Variants in TTLL9 observed in about 807,000 individuals in gnomAD.
The protein encoded by TTLL9 is tubulin tyrosine ligase like 9.
TTLL9 carries 47 observed loss-of-function variants against 65.6 expected under a neutral mutation model. That is an observed-to-expected ratio of 0.72 (90% CI 0.57 to 0.91). The LOEUF (loss-of-function observed/expected upper bound fraction) is 0.91, where lower values mean the gene tolerates loss of function less well. Ranked by LOEUF, TTLL9 falls within the 40% of genes least tolerant of loss-of-function variation. The probability of loss-of-function intolerance (pLI) is 0.00; values close to 1 mark genes in which losing one functional copy is unlikely to be tolerated. For synonymous variants in TTLL9, 179 were observed against 204.8 expected, an observed-to-expected ratio of 0.87 and a Z score of 1.07; for missense variants, 537 against 568.8, an observed-to-expected ratio of 0.94 and a Z score of 0.57.
intron 3 of TTLL9, among the ~76,000 whole-genome samples, chr20:31,896,687 G>A (rs2063393588): frequency 6.6e-6 from 1 of 151,762 alleles, no homozygotes. Context: ...CCACCACCAC[G>A]CCTGACTAAT....
At position 31,937,646 on chromosome 20, in the gene TTLL9, T is replaced by A. The variant is rs1050429793; in HGVS notation, c.1118+137T>A. The A allele has an allele frequency of 5.3e-5, 34 of 641,164 alleles. 1 individual carries two copies. Among genetic ancestry groups the A allele is most frequent in the African/African-American group, 3.3e-4 (18 of 54,168 alleles). The allele number at this position is 641,164 out of a possible 1,614,324, so 39.7% of individuals were successfully genotyped here. A position where few individuals can be genotyped will look rare whatever the true frequency, so the allele number is the denominator to read the frequency against. On this transcript the variant is annotated intron_variant, in intron 13 of 14. Transcript: ENST00000535842. ...CTGGCCTGCCCCACCACTTTATAGA[T>A]GGAGAAGCTGAGATGTCCACAGAGG... is the stretch of plus-strand genomic sequence containing the variant.
At chr20:31,931,069 C>T (rs969445301) in intron 10 of TTLL9, among the ~76,000 whole-genome samples, 2 of 144,382 alleles carry the variant, frequency 1.4e-5, no homozygotes, top group African/African-American at 5.2e-5. Context: ...GCCCCAGCAT[C>T]CTCTTTTCCT....
chr20:31,924,019 C>T (rs1442742352), intron 8 of TTLL9, among the ~76,000 whole-genome samples: 1 of 152,186 alleles, frequency 6.6e-6, no homozygotes, highest in East Asian at 1.9e-4. Flanking sequence ...CCCATCCCCC[C>T]ACCATGCCTC....
chr20:31,903,404 ACTTT>A (rs2063505592), intron 4 of TTLL9, among the ~76,000 whole-genome samples: 1 of 152,164 alleles, frequency 6.6e-6, no homozygotes, highest in African/African-American at 2.4e-5. Context: ...CAAATACTTT[ACTTT>A]CTTCCATTTT....
intron 10 of TTLL9, among the ~76,000 whole-genome samples, chr20:31,926,380 G>C (rs941363904): frequency 1.3e-5 from 2 of 152,198 alleles, no homozygotes; most frequent in Non-Finnish European, 2.9e-5. Context: ...GATTGGCAGA[G>C]ACCAAAAATT....
intron 11 of TTLL9, 61 bp from the exon 12 acceptor site, chr20:31,934,631 C>G: frequency 1.4e-6 from 2 of 1,461,674 alleles, no homozygotes; most frequent in South Asian, 2.6e-5. Context: ...TGTAAGGGTC[C>G]TAGCAGGCCA....
Position 31,937,507 on chromosome 20 carries a change from G to T in TTLL9, c.1116G>T (p.Ala372=). The change falls in exon 13 of 15, where the codon GCG becomes GCT. Residue 372 remains alanine, a splice_region_variant and synonymous_variant. Transcript: ENST00000535842. ...EDTLHVVDME[A]RLTGREKRVG... is the part of the protein sequence containing the mutation. Reference sequence around the variant, plus strand: ...CCCTGCATGTTGTGGACATGGAAGCGAGGTGAGGGAGGGCAGCCTTGATCA... The same window carrying T: ...CCCTGCATGTTGTGGACATGGAAGCTAGGTGAGGGAGGGCAGCCTTGATCA... 6.2e-7 allele frequency: 1 copy of T among 1,611,456 alleles called. No homozygotes were observed. The highest frequency in any genetic ancestry group is 1.3e-5 in the African/African-American group (1 of 74,990).
Position 31,944,740 on chromosome 20 carries a change from G to A in TTLL9, c.*1719G>A, listed in dbSNP as rs1167985892. 6.6e-6 allele frequency: 1 copy of A among 152,192 alleles called. No homozygotes were observed. The highest frequency in any genetic ancestry group is 1.5e-5 in the Non-Finnish European group (1 of 68,040). 9.4% of individuals were successfully genotyped at this position (152,192 alleles called of 1,614,324 possible). ...CTTCTCTTGAAAACACGTAAGAACT[G>A]GCCATGACAGCCTGTGTTTCTATGT... On this transcript the variant is annotated 3_prime_UTR_variant, in exon 15 of 15. Transcript: ENST00000535842.
At chr20:31,901,518 A>G (rs1163096124) in intron 4 of TTLL9, 4 of 152,134 alleles carry the variant, frequency 2.6e-5, no homozygotes, top group Admixed American at 1.3e-4. Flanking sequence ...AAATGAATGA[A>G]CTTTTGGTAT....
chr20:31,871,346 G>A, intron 2 of TTLL9, 151 bp downstream of exon 2: 1 of 769,312 alleles, frequency 1.3e-6, no homozygotes. Flanking sequence ...ATGACCCTGG[G>A]AAAGTCCCCG....
rs201229092 is a variant in TTLL9 at position 31,898,534 on chromosome 20, C to T, written c.175C>T (p.Arg59Cys). ...CATGAACACACTCATGGACGTCCTTCGCCACAGGCCAGGATGGGTGGAAGT... is the reference window on the plus strand; with the variant it reads ...CATGAACACACTCATGGACGTCCTTTGCCACAGGCCAGGATGGGTGGAAGT... ...TLMNTLMDVL[R>C]HRPGWVEVKD... Residue 59 changes from arginine (R) to cysteine (C), a missense_variant, in exon 4 of 15, where the codon CGC (arginine) becomes TGC (cysteine). Arg to Cys is a radical substitution (Grantham distance 180). This residue lies in a region of TTLL9 where 320 missense variants were observed against 311.0 expected (regional missense o/e 1.03). Coordinates refer to ENST00000535842, the MANE Select transcript of TTLL9 (RefSeq NM_001008409.5). The T allele has an allele frequency of 1.6e-5, 26 of 1,614,218 alleles. No individual in the cohort carries two copies. Among genetic ancestry groups the T allele is most frequent in the African/African-American group, 1.2e-4 (9 of 75,060 alleles).
chr20:31,942,224 A>T (rs2123660740), intron 14 of TTLL9, among the ~76,000 whole-genome samples: 1 of 152,306 alleles, frequency 6.6e-6, no homozygotes, highest in East Asian at 1.9e-4. Context: ...TTTGAGTGCC[A>T]GCAATGTGCC....
chr20:31,888,706 T>C (rs999507492), intron 3 of TTLL9, among the ~76,000 whole-genome samples: 3 of 152,162 alleles, frequency 2.0e-5, no homozygotes, highest in African/African-American at 7.2e-5. Context: ...TGTACAAGCA[T>C]GGCACCAGCA....
intron 3 of TTLL9, among the ~76,000 whole-genome samples, chr20:31,894,051 T>G (rs1431264793): frequency 6.6e-6 from 1 of 151,862 alleles, no homozygotes; most frequent in Non-Finnish European, 1.5e-5. Flanking sequence ...CATTGAACTT[T>G]CAATTTCAGA....
chr20:31,879,792 C>T, intron 2 of TTLL9: 1 of 1,544,230 alleles, frequency 6.5e-7, no homozygotes, highest in Non-Finnish European at 8.7e-7. Flanking sequence ...AGCGGCGGAT[C>T]CAGGCGCCTG....
chr20:31,933,773 T>C (rs752686133), intron 10 of TTLL9, 27 bp from the exon 11 acceptor site: 1 of 1,612,058 alleles, frequency 6.2e-7, no homozygotes, highest in Non-Finnish European at 8.5e-7. Context: ...TTGTTCACGC[T>C]GACCCTTGAC....
intron 4 of TTLL9, among the ~76,000 whole-genome samples, chr20:31,906,623 G>A (rs1051638850): frequency 2.6e-5 from 4 of 152,070 alleles, no homozygotes; most frequent in African/African-American, 9.7e-5. Context: ...GAAAAGGGGT[G>A]GGGAGAAAGG....
chr20:31,873,828 G>GAAAGAAAGAAAGAA lies in TTLL9; in HGVS notation c.69+2635_69+2648dup, dbSNP rs1555800234. On this transcript the variant is annotated intron_variant, in intron 2 of 14. Transcript: ENST00000535842. ...AGGAAGGAAGGAAGGAAGGAAGAAA[G>GAAAGAAAGAAAGAA]AAAGAAAGAAAGAAAGAAAGAAAGA... 6.9e-3 allele frequency among the ~76,000 whole-genome samples: 421 copies of GAAAGAAAGAAAGAA among 61,380 alleles called. 5 individuals carry two copies. Among genetic ancestry groups the GAAAGAAAGAAAGAA allele is most frequent in the African/African-American group, 0.027 (393 of 14,772 alleles). 40.3% of individuals were successfully genotyped at this position (61,380 alleles called of 152,430 possible).
chr20:31,890,865 G>A (rs771297041), intron 3 of TTLL9, among the ~76,000 whole-genome samples: 4 of 152,182 alleles, frequency 2.6e-5, no homozygotes, highest in Non-Finnish European at 4.4e-5. Flanking sequence ...AGACTCCGGG[G>A]GCCAGGGAAA....
Sources: allele counts gnomAD v4.1 joint callset (sites outside exome capture counted in the v4.1 genomes callset), GRCh38; gene constraint gnomAD v4.1.1; regional missense constraint gnomAD v4.1.1; transcripts MANE v1.5; gene names NCBI Gene and HGNC (gene_info 2026-07-23, HGNC 2026-07-21).